Variants in TRIM2 observed in about 807,000 individuals in gnomAD.
TRIM2 encodes tripartite motif containing 2.
A neutral mutation model predicts 75.2 loss-of-function variants in TRIM2; 20 were observed. The observed-to-expected ratio is 0.27, with a 90% confidence interval of 0.19 to 0.39. TRIM2 has a LOEUF of 0.39. TRIM2 is among the 10% of genes least tolerant of loss of function. TRIM2 has a pLI of 1.00. For missense variants in TRIM2, 660 were observed against 990.8 expected (o/e 0.67, Z 4.48); for synonymous variants, 373 against 388.3 (o/e 0.96, Z 0.46).
chr4:153,186,479 A>G (rs944329512), intron 1 of TRIM2, among the ~76,000 whole-genome samples: 2 of 152,148 alleles, frequency 1.3e-5, no homozygotes, highest in South Asian at 2.1e-4. Context: ...ACTTTGAACC[A>G]TTTCACCCTC....
chr4:153,227,169 C>G lies in TRIM2; in HGVS notation c.30+22609C>G, dbSNP rs113115339. On this transcript the variant is annotated intron_variant, in intron 1 of 11. Transcript: ENST00000338700. ...CTGAGAGAATCAAGTTGGCCCCAAC[C>G]TAAAATTTGTTTCCTTTGGCAGTGA... Among the ~76,000 whole-genome samples the G allele has an allele frequency of 4.9e-3, 749 of 152,272 alleles. 5 individuals are homozygous for G. Among genetic ancestry groups the G allele is most frequent in the African/African-American group, 0.017 (724 of 41,562 alleles).
intron 1 of TRIM2, among the ~76,000 whole-genome samples, chr4:153,184,590 C>T (rs2149644256): frequency 1.3e-5 from 2 of 152,282 alleles, no homozygotes; most frequent in Admixed American, 1.3e-4. Context: ...GCACTCTGAA[C>T]AGAGCCCCAG....
rs2149618971 is a variant in TRIM2, at chr4:153,338,875, G to C, written c.*3909G>C. 1.0e-6 allele frequency: 1 copy of C among 985,488 alleles called. No homozygotes were observed. Among genetic ancestry groups the C allele is most frequent in the East Asian group, 1.1e-4 (1 of 8,822 alleles). The allele number at this position is 985,488 out of a possible 1,614,324, so 61.0% of individuals were successfully genotyped here. A position where few individuals can be genotyped will look rare whatever the true frequency, so the allele number is the denominator to read the frequency against. ...ACATGGGAATGTTCTGTCATCAATG[G>C]AGTGTATTCTTGTAATAGAATTCTT... On this transcript the variant is annotated 3_prime_UTR_variant, in exon 12 of 12. Transcript: ENST00000338700.
rs140474092 is a variant in TRIM2 at position 153,196,938 on chromosome 4, A to G, written c.-49+43668A>G. On this transcript the variant is annotated intron_variant, in intron 1 of 11. Transcript: ENST00000437508. ...AAGCCAATTTACTGTTCTTTGTTCC[A>G]CAGCTTCAGCCTAACTTTAGGCATC... Among the ~76,000 whole-genome samples the G allele has an allele frequency of 2.4e-3, 367 of 152,298 alleles. 2 individuals carry two copies. The highest frequency in any genetic ancestry group is 0.01 in the Middle Eastern group (3 of 294).
chr4:153,303,190 G>A (rs189185756), intron 6 of TRIM2, among the ~76,000 whole-genome samples: 154 of 152,186 alleles, frequency 1.0e-3, no homozygotes, highest in African/African-American at 3.5e-3. Flanking sequence ...TTGGCTGGAC[G>A]CCGTGGCTTA....
chr4:153,338,897 T>C lies in TRIM2; in HGVS notation c.*3931T>C, dbSNP rs1772768496. Reference sequence around the variant, plus strand: ...ATGGAGTGTATTCTTGTAATAGAATTCTTTATATCGTTCTCAATTCTATAG... The same window carrying C: ...ATGGAGTGTATTCTTGTAATAGAATCCTTTATATCGTTCTCAATTCTATAG... On this transcript the variant is annotated 3_prime_UTR_variant, in exon 12 of 12. Coordinates refer to ENST00000338700, the MANE Select transcript of TRIM2 (RefSeq NM_015271.5). The C allele has an allele frequency of 1.0e-6, 1 of 985,600 alleles. No individual in the cohort carries two copies. Among genetic ancestry groups the C allele is most frequent in the Admixed American group, 6.2e-5 (1 of 16,248 alleles). The allele number at this position is 985,600 out of a possible 1,614,324, so 61.1% of individuals were successfully genotyped here.
chr4:153,152,429 T>TACAC (rs777667345), upstream of TRIM2: 1 of 64,254 alleles, frequency 1.6e-5, no homozygotes, highest in African/African-American at 4.0e-5. Flanking sequence ...TATATATATA[T>TACAC]ACACACATAT....
intron 1 of TRIM2, among the ~76,000 whole-genome samples, chr4:153,241,605 C>T (rs1746626705): frequency 6.6e-6 from 1 of 152,034 alleles, no homozygotes; most frequent in South Asian, 2.1e-4. Flanking sequence ...AGCAGAGAAC[C>T]CAGGAGCAGA....
At position 153,328,536 on chromosome 4, in the gene TRIM2, A is replaced by G; in HGVS notation, c.2029A>G (p.Asn677Asp). The G allele has an allele frequency of 6.2e-7, 1 of 1,606,564 alleles. No individual in the cohort carries two copies. The highest frequency in any genetic ancestry group is 1.1e-5 in the South Asian group (1 of 89,334). ...TTAAAAATATTTCATACAGGTGTTT[A>G]ATCAGGAAGGAGAATTCATGTTGAA... The part of the protein sequence containing the change: ...DFHNHSVKVF[N>D]QEGEFMLKFG... Residue 677 changes from asparagine to aspartate, a missense_variant, in exon 11 of 12, where the codon AAT becomes GAT. By Grantham distance (23) the Asn-to-Asp change is conservative. This residue lies in a region of TRIM2 where 620 missense variants were observed against 891.0 expected (regional missense o/e 0.70). Transcript: ENST00000338700.
chr4:153,163,495 C>CTTTTTTTTT (rs70949644), intron 1 of TRIM2, among the ~76,000 whole-genome samples: 1 of 98,678 alleles, frequency 1.0e-5, no homozygotes, highest in Non-Finnish European at 1.9e-5. Flanking sequence ...AGATTTACAT[C>CTTTTTTTTT]TTTTTTTTTT....
chr4:153,236,000 A>G (rs1017541021), intron 1 of TRIM2, among the ~76,000 whole-genome samples: 3 of 151,972 alleles, frequency 2.0e-5, no homozygotes, highest in Non-Finnish European at 4.4e-5. Flanking sequence ...TGGGGATCAA[A>G]TCATGGGGGC....
chr4:153,321,175 C>T (rs557817372), intron 8 of TRIM2, among the ~76,000 whole-genome samples: 2 of 152,266 alleles, frequency 1.3e-5, no homozygotes, highest in South Asian at 2.1e-4. Context: ...GACTCAATAC[C>T]ACACTCTTTA....
At chr4:153,308,618 TG>T in intron 6 of TRIM2, 1 of 628,326 alleles carries the variant, frequency 1.6e-6, no homozygotes, top group Non-Finnish European at 3.1e-6. Context: ...TCCACACCTT[TG>T]GTCTTGATGG....
intron 1 of TRIM2, among the ~76,000 whole-genome samples, chr4:153,261,887 G>A (rs1281556838): frequency 6.6e-6 from 1 of 152,146 alleles, no homozygotes; most frequent in South Asian, 2.1e-4. Flanking sequence ...TTTTGCATTT[G>A]GGGGTTAATT....
At chr4:153,300,963 G>T (rs1246862774) in intron 6 of TRIM2, among the ~76,000 whole-genome samples, 3 of 151,792 alleles carry the variant, frequency 2.0e-5, no homozygotes, top group African/African-American at 7.3e-5. Context: ...GGTCCAGGTG[G>T]GCGGATCACC....
At chr4:153,230,099 A>G (rs968236048) in intron 1 of TRIM2, among the ~76,000 whole-genome samples, 2 of 152,200 alleles carry the variant, frequency 1.3e-5, no homozygotes, top group African/African-American at 4.8e-5. Context: ...TTCAGTCTCT[A>G]GGGGCCTAGG....
intron 2 of TRIM2, 27 bp downstream of exon 2, chr4:153,270,546 G>A: frequency 6.4e-7 from 1 of 1,572,104 alleles, no homozygotes; most frequent in Non-Finnish European, 8.6e-7. Context: ...CTTGGAGAAG[G>A]GAGTTTCGCA....
intron 3 of TRIM2, among the ~76,000 whole-genome samples, chr4:153,279,983 A>T (rs1164099146): frequency 6.6e-6 from 1 of 150,766 alleles, no homozygotes; most frequent in Non-Finnish European, 1.5e-5. Flanking sequence ...GTGGAGCAAG[A>T]GGATTGCTTG....
intron 1 of TRIM2, among the ~76,000 whole-genome samples, chr4:153,180,741 G>A (rs145454948): frequency 0.013 from 1,995 of 152,324 alleles, 38 homozygotes; most frequent in African/African-American, 0.045. Context: ...GCCTCCCGAA[G>A]TGCTGGGATT....
Sources: allele counts gnomAD v4.1 joint callset (sites outside exome capture counted in the v4.1 genomes callset), GRCh38; gene constraint gnomAD v4.1.1; regional missense constraint gnomAD v4.1.1; transcripts MANE v1.5; gene names NCBI Gene and HGNC (gene_info 2026-07-23, HGNC 2026-07-21).